The following TNXB variants were observed in gnomAD, a reference collection of about 807,000 sequenced individuals.
TNXB encodes tenascin-X.
A neutral mutation model predicts 340.5 loss-of-function variants in TNXB; 183 were observed. The ratio of observed to expected loss-of-function variants is 0.54; its 90% CI spans 0.48 to 0.61. The LOEUF is 0.61. Among genes scored for constraint, TNXB ranks in the 20% least tolerant of loss-of-function variants. The pLI is 0.00. For synonymous variants in TNXB, 2,121 were observed against 2,314.5 expected, an observed-to-expected ratio of 0.92 and a Z score of 2.40; for missense variants, 4,613 against 5,446.4, an observed-to-expected ratio of 0.85 and a Z score of 4.82.
At position 32,049,247 on chromosome 6, in the gene TNXB, C is replaced by G; in HGVS notation, c.9757+23G>C. ...GGGGCTGCAGAGGTAAACCTGGGGA[C>G]GAGGGCCTGTCCCCCCACTCACCCG... On this transcript the variant is annotated intron_variant, in intron 28 of 43. Transcript: ENST00000644971. This position sits in a 1 kb window ranked among gnomAD's most constrained non-coding sequence, Gnocchi z 4.5. 1 of 1,598,998 alleles carries G rather than the reference C, an allele frequency of 6.3e-7. No individual in the cohort carries two copies. Among genetic ancestry groups the G allele is most frequent in the Non-Finnish European group, 8.5e-7 (1 of 1,170,978 alleles).
chr6:32,054,162 T>C (rs762341024), intron 24 of TNXB, among the ~76,000 whole-genome samples: 2 of 150,628 alleles, frequency 1.3e-5, no homozygotes, highest in Non-Finnish European at 3.0e-5. Context: ...CTCCCCCGAG[T>C]TTCCCTGGAT....
Position 32,070,801 on chromosome 6 carries a change from G to A in TNXB, c.4991-387C>T, listed in dbSNP as rs1778728415. Among the ~76,000 whole-genome samples the A allele has an allele frequency of 6.6e-6, 1 of 152,162 alleles. No homozygotes were observed. ...GATTTGGCCGGCCCCTGAGGAAAGG[G>A]GTGATTTGGCCGGCCCCGAGGAGCG... On this transcript the variant is annotated intron_variant, in intron 13 of 43. Coordinates refer to ENST00000644971, the MANE Select transcript of TNXB (RefSeq NM_001365276.2). The surrounding 1 kb of genome is among the most constrained non-coding windows in gnomAD (Gnocchi z 6.0).
Position 32,097,500 on chromosome 6 carries a change from C to T in TNXB, c.404-51G>A, listed in dbSNP as rs1455214827. The T allele has an allele frequency of 1.3e-6, 2 of 1,553,200 alleles. No homozygotes were observed. Among genetic ancestry groups the T allele is most frequent in the Non-Finnish European group, 1.7e-6 (2 of 1,153,044 alleles). ...CTCAGTCTCTCTCCTGGGAGAGAGGCTGAGCCTATGTAGTGCTCCTATGTG... is the reference window on the plus strand; with the variant it reads ...CTCAGTCTCTCTCCTGGGAGAGAGGTTGAGCCTATGTAGTGCTCCTATGTG... On this transcript the variant is annotated intron_variant, in intron 2 of 43. Coordinates refer to ENST00000644971, the MANE Select transcript of TNXB (RefSeq NM_001365276.2). The surrounding 1 kb of genome is among the most constrained non-coding windows in gnomAD (Gnocchi z 5.9).
Position 32,062,632 on chromosome 6 carries a change from G to T in TNXB, c.6842-149C>A. On this transcript the variant is annotated intron_variant, in intron 19 of 43. Coordinates refer to ENST00000644971, the MANE Select transcript of TNXB (RefSeq NM_001365276.2). This position sits in a 1 kb window ranked among gnomAD's most constrained non-coding sequence, Gnocchi z 4.3. ...ATCATTTTTCTGCTTTGAATGTTCA[G>T]TTAACACCACACCTGTGGTGAAGTC... 1.2e-6 allele frequency: 1 copy of T among 806,368 alleles called. No homozygotes were observed. 50.0% of individuals were successfully genotyped at this position (806,368 alleles called of 1,614,324 possible).
At chr6:32,098,888 A>G (rs1388351228) in intron 1 of TNXB, among the ~76,000 whole-genome samples, 1 of 152,198 alleles carries the variant, frequency 6.6e-6, no homozygotes, top group East Asian at 1.9e-4. Context: ...CTGCTCATAA[A>G]GGCTGGCTCC....
At chr6:32,078,255 C>T (rs1227211798) in intron 11 of TNXB, among the ~76,000 whole-genome samples, 1 of 151,696 alleles carries the variant, frequency 6.6e-6, no homozygotes, top group Non-Finnish European at 1.5e-5. Flanking sequence ...TGAGACCAGC[C>T]TGGCCAACAC....
chr6:32,053,651 T>G lies in TNXB; in HGVS notation c.8528A>C (p.Asn2843Thr), dbSNP rs756045003. Residue 2843 changes from asparagine (N) to threonine (T), a missense_variant, in exon 25 of 44, where the codon AAC (asparagine) becomes ACC (threonine). By Grantham distance (65) the Asn-to-Thr change is moderately conservative. Coordinates refer to ENST00000644971, the MANE Select transcript of TNXB (RefSeq NM_001365276.2). ...AVPTTTPEPPNKPRLGELTVT... is the reference protein window; with the variant it reads ...AVPTTTPEPPTKPRLGELTVT... ...GGTCAGCTCCCCGAGGCGAGGCTTG[T>G]TGGGGGGCTCAGGGGTTGTGGTGGG... The G allele has an allele frequency of 1.2e-6, 2 of 1,613,132 alleles. No homozygotes were observed. Among genetic ancestry groups the G allele is most frequent in the African/African-American group, 1.3e-5 (1 of 74,866 alleles).
Position 32,090,428 on chromosome 6 carries a change from C to A in TNXB, c.2359-1049G>T, listed in dbSNP as rs1053026060. On this transcript the variant is annotated intron_variant, in intron 4 of 43. Transcript: ENST00000644971. This position sits in a 1 kb window ranked among gnomAD's most constrained non-coding sequence, Gnocchi z 4.3. Reference sequence around the variant, plus strand: ...CACTGGGGAAACAGGAGGAACTGTACATCTGTGAGCATTCTAACAGCCCCA... The same window carrying A: ...CACTGGGGAAACAGGAGGAACTGTAAATCTGTGAGCATTCTAACAGCCCCA... 6.6e-6 allele frequency among the ~76,000 whole-genome samples: 1 copy of A among 152,204 alleles called. No homozygotes were observed.
At position 32,052,814 on chromosome 6, in the gene TNXB, C is replaced by G. The variant is rs371159200; in HGVS notation, c.8971G>C (p.Gly2991Arg). The G allele has an allele frequency of 6.2e-7, 1 of 1,613,724 alleles. No homozygotes were observed. Among genetic ancestry groups the G allele is most frequent in the Non-Finnish European group, 8.5e-7 (1 of 1,179,884 alleles). The change falls in exon 26 of 44, where the codon GGG (glycine) becomes CGG (arginine). Residue 2991 changes from glycine (G) to arginine (R), a missense_variant. By Grantham distance (125) the Gly-to-Arg change is moderately radical. Coordinates refer to ENST00000644971, the MANE Select transcript of TNXB (RefSeq NM_001365276.2). This position sits in a 1 kb window ranked among gnomAD's most constrained non-coding sequence, Gnocchi z 4.7. The stretch of plus-strand genomic sequence containing the variant: ...CTGACACGCACCACCTGGGGCCGCC[C>G]GTCCCTGTCCTTGTACTGCACAGTG... ...SFTVQYKDRD[G>R]RPQVVRVRGE...
chr6:32,078,759 G>C (rs933585256), intron 11 of TNXB: 32 of 457,336 alleles, frequency 7.0e-5, no homozygotes, highest in Middle Eastern at 5.6e-4. Context: ...CATTCTTGAT[G>C]CTTTACATCT....
intron 1 of TNXB, among the ~76,000 whole-genome samples, chr6:32,103,554 A>T (rs1780829563): frequency 6.6e-6 from 1 of 151,926 alleles, no homozygotes; most frequent in African/African-American, 2.4e-5. Context: ...TTTGATGTTT[A>T]CATTTCCTTA....
In TNXB at chr6:32,067,885, G is replaced by A. The variant is rs1554321787; in HGVS notation, c.6320C>T (p.Ser2107Phe). ...LLGELTVTGS[S>F]PDSLSLSWTV... ...CCAGGAGAGGCTCAGCGAGTCAGGG[G>A]AGGATCCTGTCACTGTTAGCTCCCC... is the stretch of plus-strand genomic sequence containing the variant. The change falls in exon 18 of 44, where the codon TCC (serine) becomes TTC (phenylalanine). Residue 2107 changes from serine (S) to phenylalanine (F), a missense_variant. Physicochemically the swap from Ser to Phe is radical, Grantham distance 155. Transcript: ENST00000644971. This position sits in a 1 kb window ranked among gnomAD's most constrained non-coding sequence, Gnocchi z 4.2. The A allele has an allele frequency of 6.2e-7, 1 of 1,612,862 alleles. No individual in the cohort carries two copies. Among genetic ancestry groups the A allele is most frequent in the South Asian group, 1.1e-5 (1 of 91,034 alleles).
chr6:32,096,757 C>T lies in TNXB; in HGVS notation c.1096G>A (p.Glu366Lys). 1 of 1,553,966 alleles carries T rather than the reference C, an allele frequency of 6.4e-7. No homozygotes were observed. Among genetic ancestry groups the T allele is most frequent in the Non-Finnish European group, 8.7e-7 (1 of 1,151,494 alleles). Residue 366 changes from glutamate (E) to lysine (K), a missense_variant, in exon 3 of 44, where the codon GAG becomes AAG. Around this residue, in one of 7 missense-constraint regions of TNXB, gnomAD observed 4,327 missense variants for 4,859.4 expected, o/e 0.89. Transcript: ENST00000644971. ...RCVCWPGYTG[E>K]DCSTRTCPRD... is the part of the protein sequence containing the mutation. ...GGACATGTCCGCGTGCTGCAGTCCT[C>T]GCCTGTGTACCCGGGCCAGCACACG...
At chr6:32,104,058 C>T (rs936949689) in intron 1 of TNXB, among the ~76,000 whole-genome samples, 2 of 152,104 alleles carry the variant, frequency 1.3e-5, no homozygotes, top group East Asian at 3.9e-4. Context: ...TCTGTATCCA[C>T]GCTGACCAAT....
rs941261235 is a variant in TNXB at position 32,064,356 on chromosome 6, G to T, written c.6841+465C>A. Among the ~76,000 whole-genome samples the T allele has an allele frequency of 6.6e-6, 1 of 152,194 alleles. No homozygotes were observed. Among genetic ancestry groups the T allele is most frequent in the African/African-American group, 2.4e-5 (1 of 41,444 alleles). Reference sequence around the variant, plus strand: ...GCCTCCCGAGTAGCTGGGACTACAGGCATGTGCCACCACACCCAGCTAATT... The same window carrying T: ...GCCTCCCGAGTAGCTGGGACTACAGTCATGTGCCACCACACCCAGCTAATT... On this transcript the variant is annotated intron_variant, in intron 19 of 43. Transcript: ENST00000644971. This position sits in a 1 kb window ranked among gnomAD's most constrained non-coding sequence, Gnocchi z 5.3.
intron 4 of TNXB, chr6:32,093,104 T>G (rs1780153572): frequency 6.4e-6 from 3 of 469,810 alleles, no homozygotes. Context: ...TTATCTCAAG[T>G]GTTTATTTTA....
Position 32,089,221 on chromosome 6 carries a change from A to G in TNXB, c.2515+2T>C. 1 of 1,596,194 alleles carries G rather than the reference A, an allele frequency of 6.3e-7. No individual in the cohort carries two copies. The highest frequency in any genetic ancestry group is 8.5e-7 in the Non-Finnish European group (1 of 1,170,538). On this transcript the variant is annotated splice_donor_variant, in intron 5 of 43. Coordinates refer to ENST00000644971, the MANE Select transcript of TNXB (RefSeq NM_001365276.2). LOFTEE classifies it high-confidence loss of function. This position sits in a 1 kb window ranked among gnomAD's most constrained non-coding sequence, Gnocchi z 6.2. ...ACCCCTCCCCACAGCCCCAGCTCTC[A>G]CTGGTGGTGATGGTCTTGGAGGCAG... is the stretch of plus-strand genomic sequence containing the variant.
chr6:32,099,968 A>C (rs1230309412), intron 1 of TNXB, among the ~76,000 whole-genome samples: 2 of 150,730 alleles, frequency 1.3e-5, no homozygotes, highest in Non-Finnish European at 2.9e-5. Context: ...AAAAAAAAAA[A>C]AACAGTCATT....
chr6:32,074,086 G>A lies in TNXB; in HGVS notation c.4376-134C>T. ...GTCACCCAGAGCAGTGGGCGACCTC[G>A]GCTCACTGCAGCCTCTGCCTCCCGG... On this transcript the variant is annotated intron_variant, in intron 11 of 43. Transcript: ENST00000644971. The surrounding 1 kb of genome is among the most constrained non-coding windows in gnomAD (Gnocchi z 5.5). The A allele has an allele frequency of 1.1e-5, 9 of 822,480 alleles. No homozygotes were observed. The highest frequency in any genetic ancestry group is 2.8e-5 in the East Asian group (1 of 36,088). The allele number at this position is 822,480 out of a possible 1,614,324, so 50.9% of individuals were successfully genotyped here.
Sources: gnomAD v4.1 joint callset for allele counts (sites outside exome capture counted in the v4.1 genomes callset) on GRCh38, gnomAD v4.1.1 for gene constraint, gnomAD v4.1.1 regional missense constraint, Gnocchi (gnomAD v3.1) non-coding constraint, MANE v1.5 for transcripts, NCBI Gene and HGNC (gene_info 2026-07-23, HGNC 2026-07-21) for gene names.